Variants in CLSPN observed in about 807,000 individuals in gnomAD.
The protein encoded by CLSPN is claspin homolog.
CLSPN carries 85 observed loss-of-function variants against 156.3 expected under a neutral mutation model. The ratio of observed to expected loss-of-function variants is 0.54; its 90% confidence interval spans 0.46 to 0.65. The LOEUF (loss-of-function observed/expected upper bound fraction) is 0.65, where lower values mean the gene tolerates loss of function less well. Among genes scored for constraint, CLSPN ranks in the 30% least tolerant of loss-of-function variants. The pLI is 0.00. For synonymous variants in CLSPN, 534 were observed against 542.4 expected (o/e 0.98, Z 0.22); for missense variants, 1,407 against 1,554.9 (o/e 0.90, Z 1.60).
chr1:35,740,463 G>C (rs937336080), intron 18 of CLSPN, among the ~76,000 whole-genome samples: 2 of 150,940 alleles, frequency 1.3e-5, no homozygotes, highest in Admixed American at 6.6e-5. Flanking sequence ...CTGTCGCCTA[G>C]GCTGGAGTGC....
intron 8 of CLSPN, among the ~76,000 whole-genome samples, chr1:35,758,893 C>T (rs1036064481): frequency 1.3e-5 from 2 of 151,644 alleles, no homozygotes; most frequent in South Asian, 2.1e-4. Context: ...CTCAGCCTCC[C>T]GAGTAGCTGG....
rs774101879 is a variant in CLSPN at position 35,761,087 on chromosome 1, G to T, written c.1004+9C>A. 12 of 1,567,562 alleles carry T rather than the reference G, an allele frequency of 7.7e-6. No homozygotes were observed. In the South Asian group the frequency reaches 1.3e-4, roughly 17 times the overall value. On this transcript the variant is annotated intron_variant, in intron 7 of 24. Transcript: ENST00000318121. ...CATGAAAATTATAATAAGGAAAGAGGGTTCTTACTTCAATAGTGCCATGGC... is the reference window on the plus strand; with the variant it reads ...CATGAAAATTATAATAAGGAAAGAGTGTTCTTACTTCAATAGTGCCATGGC...
intron 1 of CLSPN, among the ~76,000 whole-genome samples, chr1:35,768,983 C>A (rs972883227): frequency 1.3e-5 from 2 of 151,980 alleles, no homozygotes; most frequent in African/African-American, 4.8e-5. Flanking sequence ...AAATAATATG[C>A]CCGCTTTTGT....
chr1:35,755,771 C>T (rs568686618), intron 8 of CLSPN, among the ~76,000 whole-genome samples: 3 of 151,972 alleles, frequency 2.0e-5, no homozygotes, highest in Non-Finnish European at 2.9e-5. Flanking sequence ...TGCAGTGGTG[C>T]GATCACAGCT....
rs1641450293 is a variant in CLSPN, at chr1:35,735,828, C to T, written c.*668G>A. On this transcript the variant is annotated 3_prime_UTR_variant, in exon 25 of 25. Coordinates refer to ENST00000318121, the MANE Select transcript of CLSPN (RefSeq NM_022111.4). The stretch of plus-strand genomic sequence containing the variant: ...TTTAATCTGTAATGTCACACTTTTC[C>T]CTACTCTTCCTCTTCCAACCACTTC... 2.0e-5 allele frequency: 20 copies of T among 985,236 alleles called. No individual in the cohort carries two copies. Among genetic ancestry groups the T allele is most frequent in the Non-Finnish European group, 2.4e-5 (20 of 829,898 alleles). The allele number at this position is 985,236 out of a possible 1,614,324, so 61.0% of individuals were successfully genotyped here.
chr1:35,721,512 C>T (rs540725993), intron 24 of CLSPN, among the ~76,000 whole-genome samples: 4 of 152,088 alleles, frequency 2.6e-5, no homozygotes, highest in Non-Finnish European at 4.4e-5. Flanking sequence ...CTCAGCCTCC[C>T]GAGTAGCTGG....
Position 35,764,329 on chromosome 1 carries a change from A to C in CLSPN, c.519T>G (p.Leu173=), listed in dbSNP as rs771246971. Residue 173 remains leucine, a synonymous_variant, in exon 3 of 25, where the codon CTT becomes CTG. Coordinates refer to ENST00000318121, the MANE Select transcript of CLSPN (RefSeq NM_022111.4). ...TTTCCATTTTTCTCTCCTCTTTCTC[A>C]AGTCTTCTTTTTGATTTTACTTTTG... The part of the protein sequence containing the change: ...GKAKVKSKRR[L]EKEERKMEKI... The C allele has an allele frequency of 3.1e-6, 5 of 1,599,334 alleles. No homozygotes were observed. The African/African-American group carries it at 6.8e-5, about 22-fold the overall frequency.
rs942153193 is a variant in CLSPN at position 35,751,230 on chromosome 1, A to C, written c.2028+20T>G. ...ATATTCACCATGACAAGGTAACAAA[A>C]CAACGTAATTGCCAGAAACCTCCTG... On this transcript the variant is annotated intron_variant, in intron 10 of 24. Coordinates refer to ENST00000318121, the MANE Select transcript of CLSPN (RefSeq NM_022111.4). 1.3e-6 allele frequency: 2 copies of C among 1,593,814 alleles called. No individual in the cohort carries two copies. Among genetic ancestry groups the C allele is most frequent in the African/African-American group, 2.7e-5 (2 of 74,484 alleles).
At chr1:35,767,626 G>T (rs1207010170) in intron 1 of CLSPN, among the ~76,000 whole-genome samples, 1 of 152,160 alleles carries the variant, frequency 6.6e-6, no homozygotes, top group African/African-American at 2.4e-5. Context: ...ATTACCTTCA[G>T]ACTATGTGTG....
chr1:35,726,359 T>A (rs1383414847), intron 24 of CLSPN, among the ~76,000 whole-genome samples: 1 of 152,006 alleles, frequency 6.6e-6, no homozygotes, highest in Non-Finnish European at 1.5e-5. Flanking sequence ...CTTCTTGTAG[T>A]CACATCCATC....
At chr1:35,747,847 T>A (rs1370803508) in intron 14 of CLSPN, 60 bp downstream of exon 14, 2 of 1,509,910 alleles carry the variant, frequency 1.3e-6, no homozygotes, top group East Asian at 2.3e-5. Context: ...CACTTATTTT[T>A]AAACAAAATT....
chr1:35,769,765 C>T, intron 1 of CLSPN, 82 bp downstream of exon 1: 39 of 1,375,296 alleles, frequency 2.8e-5, no homozygotes, highest in Non-Finnish European at 3.8e-5. Context: ...CGCCTCGGGT[C>T]AGCGGGGTCT....
intron 18 of CLSPN, 30 bp downstream of exon 18, chr1:35,743,111 T>C (rs757724458): frequency 4.5e-6 from 7 of 1,564,446 alleles, no homozygotes; most frequent in Middle Eastern, 3.3e-4. Context: ...TAAATACACC[T>C]GAAGGAATGG....
chr1:35,748,748 GTAAAT>G, intron 12 of CLSPN, 144 bp from the exon 13 acceptor site: 3 of 620,016 alleles, frequency 4.8e-6, no homozygotes, highest in Non-Finnish European at 8.8e-6. Flanking sequence ...TAAGTTAAAG[GTAAAT>G]TACAGTACTA....
At chr1:35,754,244 G>T (rs558948634) in intron 8 of CLSPN, among the ~76,000 whole-genome samples, 32 of 152,264 alleles carry the variant, frequency 2.1e-4, no homozygotes, top group African/African-American at 7.0e-4. Flanking sequence ...TTCTTTAAAA[G>T]TATTAAACTG....
In CLSPN at chr1:35,746,080, C is replaced by T. The variant is rs1022227452; in HGVS notation, c.2855-518G>A. 2.6e-5 allele frequency among the ~76,000 whole-genome samples: 4 copies of T among 151,214 alleles called. No homozygotes were observed. The highest frequency in any genetic ancestry group is 3.0e-5 in the Non-Finnish European group (2 of 67,758). ...CCTGTCTCAGCCTCCCAAGTAGCTGCGATTACAGGCACGGGCCACCATGCC... is the reference window on the plus strand; with the variant it reads ...CCTGTCTCAGCCTCCCAAGTAGCTGTGATTACAGGCACGGGCCACCATGCC... On this transcript the variant is annotated intron_variant, in intron 15 of 24. Transcript: ENST00000318121. This position sits in a 1 kb window ranked among gnomAD's most constrained non-coding sequence, Gnocchi z 4.2.
chr1:35,734,850 G>A lies in CLSPN; in HGVS notation c.*1646C>T. On this transcript the variant is annotated 3_prime_UTR_variant, in exon 25 of 25. Coordinates refer to ENST00000318121, the MANE Select transcript of CLSPN (RefSeq NM_022111.4). Reference sequence around the variant, plus strand: ...TACAGGTCCTGACACTGAAACCACAGTATTCACATGGAATGTTTTTCCAAA... The same window carrying A: ...TACAGGTCCTGACACTGAAACCACAATATTCACATGGAATGTTTTTCCAAA... The A allele has an allele frequency of 1.0e-6, 1 of 985,396 alleles. No homozygotes were observed. The highest frequency in any genetic ancestry group is 1.2e-6 in the Non-Finnish European group (1 of 829,920). 61.0% of individuals were successfully genotyped at this position (985,396 alleles called of 1,614,324 possible).
At chr1:35,743,615 TTG>T (rs1302188825) in intron 16 of CLSPN, 85 bp from the exon 17 acceptor site, 1 of 1,106,606 alleles carries the variant, frequency 9.0e-7, no homozygotes, top group Non-Finnish European at 1.3e-6. Flanking sequence ...AAAAAAAATT[TTG>T]TGTGTGTTAA....
At position 35,738,110 on chromosome 1, in the gene CLSPN, AAAAAT is replaced by A. The variant is rs1308346373; in HGVS notation, c.3559-18_3559-14del. 43 of 593,524 alleles carry A rather than the reference AAAAAT, an allele frequency of 7.2e-5. No individual in the cohort carries two copies. In the East Asian group the frequency reaches 1.5e-3, roughly 21 times the overall value. The allele number at this position is 593,524 out of a possible 1,614,324, so 36.8% of individuals were successfully genotyped here. A position where few individuals can be genotyped will look rare whatever the true frequency, so the allele number is the denominator to read the frequency against. Reference sequence around the variant, plus strand: ...TCCCCTGCTGTGCCTGAAAAAAAAAAAAAATATATATATATATATATATATATATA... The same window carrying A: ...TCCCCTGCTGTGCCTGAAAAAAAAAAATATATATATATATATATATATATA... On this transcript the variant is annotated splice_polypyrimidine_tract_variant and intron_variant, in intron 21 of 24. Transcript: ENST00000318121.
Sources: gnomAD v4.1 joint callset for allele counts (sites outside exome capture counted in the v4.1 genomes callset) on GRCh38, gnomAD v4.1.1 for gene constraint, Gnocchi (gnomAD v3.1) non-coding constraint, MANE v1.5 for transcripts, NCBI Gene and HGNC (gene_info 2026-07-23, HGNC 2026-07-21) for gene names.